TTLL5: variants seen among roughly 807,000 people sequenced by gnomAD.
TTLL5 encodes the protein tubulin polyglutamylase TTLL5.
In TTLL5, 132 loss-of-function variants were observed where a neutral mutation model predicts 168.4. That is an observed-to-expected ratio of 0.78 (90% CI 0.68 to 0.91). The LOEUF is 0.91. Ranked by LOEUF, TTLL5 falls within the 40% of genes least tolerant of loss-of-function variation. TTLL5 has a pLI of 0.00. For synonymous variants in TTLL5, 546 were observed against 558.6 expected, an observed-to-expected ratio of 0.98 and a Z score of 0.32; for missense variants, 1,545 against 1,581.5, an observed-to-expected ratio of 0.98 and a Z score of 0.39.
chr14:75,781,134 C>A (rs1018406325), intron 24 of TTLL5, among the ~76,000 whole-genome samples: 1 of 152,090 alleles, frequency 6.6e-6, no homozygotes, highest in Admixed American at 6.5e-5. Flanking sequence ...GATGGACATT[C>A]ATCTAGTAAC....
rs144194293 is a variant in TTLL5, at chr14:75,761,992, A to G, written c.1551-2623A>G. On this transcript the variant is annotated intron_variant, in intron 18 of 31. Transcript: ENST00000298832. ...ATGAAGGATATATGATTGGATATATACGTGACGAAACAAAATATAGTAAAA... is the reference window on the plus strand; with the variant it reads ...ATGAAGGATATATGATTGGATATATGCGTGACGAAACAAAATATAGTAAAA... Among the ~76,000 whole-genome samples the G allele has an allele frequency of 7.0e-3, 1,061 of 152,334 alleles. 12 individuals are homozygous for G. Among genetic ancestry groups the G allele is most frequent in the African/African-American group, 0.024 (1,011 of 41,574 alleles).
chr14:75,773,963 G>T (rs368727958), intron 21 of TTLL5, among the ~76,000 whole-genome samples: 8 of 69,492 alleles, frequency 1.2e-4, no homozygotes, highest in Admixed American at 2.0e-4. Context: ...GAGAAAGAGA[G>T]AGAGAGAGAG....
chr14:75,897,886 A>G (rs1566650862), intron 30 of TTLL5, among the ~76,000 whole-genome samples: 1 of 152,248 alleles, frequency 6.6e-6, no homozygotes, highest in Non-Finnish European at 1.5e-5. Flanking sequence ...CACTACATCA[A>G]GCAGCTTTCC....
intron 27 of TTLL5, among the ~76,000 whole-genome samples, chr14:75,816,559 T>C (rs1413365308): frequency 6.6e-6 from 1 of 152,246 alleles, no homozygotes; most frequent in East Asian, 1.9e-4. Context: ...TCCTCTCCTT[T>C]CCATTCACTA....
At chr14:75,806,826 T>C (rs1478710466) in intron 27 of TTLL5, among the ~76,000 whole-genome samples, 5 of 152,218 alleles carry the variant, frequency 3.3e-5, no homozygotes, top group African/African-American at 9.6e-5. Context: ...TCCATTTTTT[T>C]CACCAGTTTT....
chr14:75,674,399 G>T (rs1883984716), intron 3 of TTLL5, among the ~76,000 whole-genome samples: 1 of 152,164 alleles, frequency 6.6e-6, no homozygotes, highest in Admixed American at 6.5e-5. Flanking sequence ...TAAGCCTGTG[G>T]TTAAATCCCC....
chr14:75,937,204 A>G lies in TTLL5; in HGVS notation c.3824-17220A>G, dbSNP rs192450630. ...CGATCTCAGCTCACTGCAACTGCCA[A>G]CTCCCTGGTTCAAGCGATTCTCCTG... is the stretch of plus-strand genomic sequence containing the variant. On this transcript the variant is annotated intron_variant, in intron 31 of 31. Transcript: ENST00000298832. Among the ~76,000 whole-genome samples, 5 of 151,436 alleles carry G rather than the reference A, an allele frequency of 3.3e-5. No individual in the cohort carries two copies. In the East Asian group the frequency reaches 7.8e-4, roughly 24 times the overall value.
intron 27 of TTLL5, among the ~76,000 whole-genome samples, chr14:75,810,287 T>G (rs1215298036): frequency 1.3e-5 from 2 of 152,208 alleles, no homozygotes; most frequent in Non-Finnish European, 2.9e-5. Context: ...GCATTGGGAA[T>G]GCTTTGCTAC....
chr14:75,766,054 G>C lies in TTLL5; in HGVS notation c.1709-8G>C, dbSNP rs1024307009. The C allele has an allele frequency of 1.2e-6, 2 of 1,600,632 alleles. No homozygotes were observed. The highest frequency in any genetic ancestry group is 1.7e-6 in the Non-Finnish European group (2 of 1,173,720). On this transcript the variant is annotated splice_region_variant and splice_polypyrimidine_tract_variant and intron_variant, in intron 19 of 31. Transcript: ENST00000298832. Reference sequence around the variant, plus strand: ...TTTTCAGCAACATTAGTGATTCTTCGTATTTAGTGATTACCCAACCAGCTG... The same window carrying C: ...TTTTCAGCAACATTAGTGATTCTTCCTATTTAGTGATTACCCAACCAGCTG...
chr14:75,675,747 G>A (rs1241321838), intron 3 of TTLL5, among the ~76,000 whole-genome samples: 1 of 152,194 alleles, frequency 6.6e-6, no homozygotes, highest in Non-Finnish European at 1.5e-5. Flanking sequence ...AGGCATATTA[G>A]TCAGAGTTCT....
intron 29 of TTLL5, among the ~76,000 whole-genome samples, chr14:75,870,485 A>C (rs1027242215): frequency 2.0e-5 from 3 of 152,034 alleles, no homozygotes; most frequent in African/African-American, 7.2e-5. Flanking sequence ...CCCATCCTTT[A>C]CCCTCCCTTG....
At chr14:75,662,402 G>A (rs539921514) in intron 1 of TTLL5, among the ~76,000 whole-genome samples, 2 of 150,800 alleles carry the variant, frequency 1.3e-5, no homozygotes, top group African/African-American at 4.9e-5. Flanking sequence ...TTGGCTCACC[G>A]CAACCTCCGC....
chr14:75,753,052 T>G (rs1890043272), intron 18 of TTLL5, 97 bp downstream of exon 18: 1 of 1,208,896 alleles, frequency 8.3e-7, no homozygotes, highest in Non-Finnish European at 1.2e-6. Context: ...AGTCTTTATG[T>G]AAAATCTCTG....
intron 31 of TTLL5, among the ~76,000 whole-genome samples, chr14:75,933,441 G>A (rs775876370): frequency 6.6e-6 from 1 of 152,178 alleles, no homozygotes; most frequent in Non-Finnish European, 1.5e-5. Context: ...CATCCTGGCC[G>A]ACAGATTGAG....
At chr14:75,887,237 G>A (rs896957465) in intron 30 of TTLL5, 14 of 987,784 alleles carry the variant, frequency 1.4e-5, no homozygotes, top group South Asian at 1.4e-4. Context: ...GAGGTCAGCC[G>A]TATGATGAAA....
At chr14:75,835,963 A>G (rs1895843348) in intron 28 of TTLL5, among the ~76,000 whole-genome samples, 1 of 152,178 alleles carries the variant, frequency 6.6e-6, no homozygotes, top group South Asian at 2.1e-4. Context: ...TAGTACTACC[A>G]CTATGGAGAA....
chr14:75,947,411 A>G (rs552721767), intron 31 of TTLL5, among the ~76,000 whole-genome samples: 5 of 152,362 alleles, frequency 3.3e-5, no homozygotes, highest in African/African-American at 1.2e-4. Context: ...GAGGGTCACT[A>G]CATTATGGCT....
At chr14:75,781,279 G>C (rs148368522) in intron 24 of TTLL5, among the ~76,000 whole-genome samples, 1,879 of 152,260 alleles carry the variant, frequency 0.012, 15 homozygotes, top group South Asian at 0.025. Flanking sequence ...GTGTAAACTT[G>C]TTAAGGATAA....
rs368493285 is a variant in TTLL5 at position 75,785,569 on chromosome 14, C to T, written c.2986+2039C>T. On this transcript the variant is annotated intron_variant, in intron 26 of 31. Coordinates refer to ENST00000298832, the MANE Select transcript of TTLL5 (RefSeq NM_015072.5). ...TGCATGGTATGATGTAGGGGTCTAACTTCATTCTTCTGCATGTGGATATTC... is the reference window on the plus strand; with the variant it reads ...TGCATGGTATGATGTAGGGGTCTAATTTCATTCTTCTGCATGTGGATATTC... Among the ~76,000 whole-genome samples the T allele has an allele frequency of 2.3e-4, 35 of 152,162 alleles. 2 individuals carry two copies. Among genetic ancestry groups the T allele is most frequent in the East Asian group, 1.5e-3 (8 of 5,204 alleles).
Sources: gnomAD v4.1 joint callset for allele counts (sites outside exome capture counted in the v4.1 genomes callset) on GRCh38, gnomAD v4.1.1 for gene constraint, MANE v1.5 for transcripts, NCBI Gene and HGNC (gene_info 2026-07-23, HGNC 2026-07-21) for gene names.